The following FAM228B variants were observed in gnomAD, a reference collection of about 807,000 sequenced individuals.
FAM228B encodes the protein family with sequence similarity 228 member B, also known as protein FAM228B.
FAM228B carries 38 observed loss-of-function variants against 42.6 expected under a neutral mutation model. That is an observed-to-expected ratio of 0.89 (90% CI 0.69 to 1.17). The LOEUF (loss-of-function observed/expected upper bound fraction) is 1.17, where lower values mean the gene tolerates loss of function less well. Ranked by LOEUF, FAM228B falls within the 50% of genes most tolerant of loss-of-function variation. The probability of loss-of-function intolerance (pLI) is 0.00; values close to 1 mark genes in which losing one functional copy is unlikely to be tolerated. For synonymous variants in FAM228B, 109 were observed against 122.3 expected, an observed-to-expected ratio of 0.89 and a Z score of 0.72; for missense variants, 344 against 367.3, an observed-to-expected ratio of 0.94 and a Z score of 0.52.
intron 7 of FAM228B, among the ~76,000 whole-genome samples, chr2:24,148,230 C>CT (rs1196244142): frequency 6.6e-6 from 1 of 152,172 alleles, no homozygotes; most frequent in Non-Finnish European, 1.5e-5. Flanking sequence ...CAGTTTTCAG[C>CT]TATCCATGCA....
rs1491504651 is a variant in FAM228B at position 24,158,212 on chromosome 2, TTC to T, written c.687-3293_687-3292del. On this transcript the variant is annotated intron_variant, in intron 7 of 10. Coordinates refer to ENST00000615575, the MANE Select transcript of FAM228B (RefSeq NM_001145710.2). The stretch of plus-strand genomic sequence containing the variant: ...CTGAACCTCCTTTTTTTTTTTTTTT[TTC>T]CAAAACATTGTTCCCAAGACTCTAT... Among the ~76,000 whole-genome samples, 74 of 145,876 alleles carry T rather than the reference TTC, an allele frequency of 5.1e-4. 12 individuals are homozygous for T. Among genetic ancestry groups the T allele is most frequent in the Middle Eastern group, 3.5e-3 (1 of 286 alleles).
intron 2 of FAM228B, chr2:24,087,514 T>C (rs1426713084): frequency 6.6e-6 from 1 of 152,212 alleles, no homozygotes; most frequent in Non-Finnish European, 1.5e-5. Flanking sequence ...TAATATGACT[T>C]AGGGTGGGGG....
chr2:24,128,886 C>T (rs1244867045), intron 2 of FAM228B, among the ~76,000 whole-genome samples: 1 of 152,028 alleles, frequency 6.6e-6, no homozygotes, highest in African/African-American at 2.4e-5. Context: ...AAAACCTCTC[C>T]AAATACTCTA....
chr2:24,103,126 T>C (rs1011526257), intron 3 of FAM228B, among the ~76,000 whole-genome samples: 9 of 152,224 alleles, frequency 5.9e-5, no homozygotes, highest in Non-Finnish European at 1.2e-4. Flanking sequence ...AAAGAAATCA[T>C]GCAATTTAAA....
intron 2 of FAM228B, among the ~76,000 whole-genome samples, chr2:24,128,108 C>T (rs1666360492): frequency 6.6e-6 from 1 of 152,198 alleles, no homozygotes; most frequent in Admixed American, 6.5e-5. Context: ...TTTTGGAAAG[C>T]TGCTGTTGCT....
intron 3 of FAM228B, among the ~76,000 whole-genome samples, chr2:24,106,026 A>G (rs1000276486): frequency 6.6e-6 from 1 of 152,232 alleles, no homozygotes; most frequent in Admixed American, 6.5e-5. Context: ...GAAAGCAAGC[A>G]ACTTGGAAAA....
At chr2:24,127,308 T>C (rs1411877556) in intron 2 of FAM228B, among the ~76,000 whole-genome samples, 1 of 152,268 alleles carries the variant, frequency 6.6e-6, no homozygotes, top group Non-Finnish European at 1.5e-5. Flanking sequence ...TAATATTCCA[T>C]TGTCTCAGTA....
chr2:24,100,777 G>A (rs76727624), intron 3 of FAM228B, among the ~76,000 whole-genome samples: 24,421 of 152,174 alleles, frequency 0.16, 2,123 homozygotes, highest in South Asian at 0.21. Flanking sequence ...ATACCCAAAG[G>A]ATCATAAATC....
chr2:24,085,286 C>T (rs1451529589), intron 2 of FAM228B: 1 of 152,182 alleles, frequency 6.6e-6, no homozygotes, highest in Non-Finnish European at 1.5e-5. Context: ...TCCTGACAGT[C>T]CTGGGGGAGA....
intron 8 of FAM228B, among the ~76,000 whole-genome samples, chr2:24,162,578 A>T (rs1667310573): frequency 6.6e-6 from 1 of 152,164 alleles, no homozygotes; most frequent in Non-Finnish European, 1.5e-5. Context: ...CTAGGTTTCT[A>T]CTCAGGAGTA....
chr2:24,167,495 G>T, intron 9 of FAM228B, 132 bp from the exon 10 acceptor site: 2 of 1,104,186 alleles, frequency 1.8e-6, no homozygotes, highest in Non-Finnish European at 2.6e-6. Flanking sequence ...CTGTTCTGTT[G>T]GGGTTGGTTC....
chr2:24,094,820 C>T (rs1270784594), intron 2 of FAM228B, among the ~76,000 whole-genome samples: 1 of 152,154 alleles, frequency 6.6e-6, no homozygotes, highest in Non-Finnish European at 1.5e-5. Context: ...GGGCCGGGTG[C>T]GGTGACTCAC....
At chr2:24,144,699 C>T (rs151337176) in intron 5 of FAM228B, among the ~76,000 whole-genome samples, 1,536 of 152,248 alleles carry the variant, frequency 0.01, 17 homozygotes, top group Admixed American at 0.016. Context: ...ACAGGGGCCA[C>T]GGCTCACTTT....
intron 3 of FAM228B, among the ~76,000 whole-genome samples, chr2:24,136,114 TGCA>T (rs202066665): frequency 0.013 from 1,669 of 131,284 alleles, 20 homozygotes; most frequent in Middle Eastern, 0.027. Flanking sequence ...CAGGCTAGAG[TGCA>T]GTGGCACAAT....
At chr2:24,148,232 A>G (rs1246563983) in intron 7 of FAM228B, among the ~76,000 whole-genome samples, 2 of 152,160 alleles carry the variant, frequency 1.3e-5, no homozygotes, top group Admixed American at 6.5e-5. Context: ...GTTTTCAGCT[A>G]TCCATGCAAG....
Position 24,082,239 on chromosome 2 carries a change from C to T in FAM228B, c.-210+1284C>T, listed in dbSNP as rs554310648. Among the ~76,000 whole-genome samples, 13 of 152,280 alleles carry T rather than the reference C, an allele frequency of 8.5e-5. No individual in the cohort carries two copies. The East Asian group carries it at 2.5e-3, about 29-fold the overall frequency. ...TTGAACTCCTGGGCTCGTGATCTGT[C>T]TTCCAAAGTGCTACGATTATAGGTG... On this transcript the variant is annotated intron_variant, in intron 2 of 10. Coordinates refer to the FAM228B transcript ENST00000613899.
chr2:24,155,924 T>C (rs78237042), intron 7 of FAM228B, among the ~76,000 whole-genome samples: 1,743 of 152,286 alleles, frequency 0.011, 20 homozygotes, highest in Middle Eastern at 0.024. Context: ...ATTTTTCAAA[T>C]TTTGAGGATA....
At chr2:24,082,284 G>C (rs999078047) in intron 2 of FAM228B, among the ~76,000 whole-genome samples, 1 of 152,158 alleles carries the variant, frequency 6.6e-6, no homozygotes, top group Non-Finnish European at 1.5e-5. Flanking sequence ...TTGCCTGGCT[G>C]ATACTCTTTC....
At chr2:24,129,487 T>C (rs956723465) in intron 2 of FAM228B, among the ~76,000 whole-genome samples, 3 of 152,122 alleles carry the variant, frequency 2.0e-5, no homozygotes, top group African/African-American at 7.2e-5. Context: ...TGATATTGTC[T>C]CATAGGTCAC....
Sources: gnomAD v4.1 joint callset for allele counts (sites outside exome capture counted in the v4.1 genomes callset) on GRCh38, gnomAD v4.1.1 for gene constraint, MANE v1.5 for transcripts, NCBI Gene and HGNC (gene_info 2026-07-23, HGNC 2026-07-21) for gene names.